NTN1: variants seen among roughly 807,000 people sequenced by gnomAD.
The protein encoded by NTN1 is netrin-1.
Under a neutral mutation model 54.2 loss-of-function variants are expected in NTN1, and 11 were observed. The ratio of observed to expected loss-of-function variants is 0.20; its 90% CI spans 0.13 to 0.34. The LOEUF (loss-of-function observed/expected upper bound fraction) is 0.34, where lower values mean the gene tolerates loss of function less well. NTN1 is among the 10% of genes least tolerant of loss of function. The pLI is 1.00. For missense variants in NTN1, 740 were observed against 893.1 expected, an observed-to-expected ratio of 0.83 and a Z score of 2.18; for synonymous variants, 371 against 382.0, an observed-to-expected ratio of 0.97 and a Z score of 0.33.
intron 2 of NTN1, among the ~76,000 whole-genome samples, chr17:9,115,884 G>A (rs1180574677): frequency 6.6e-6 from 1 of 152,272 alleles, no homozygotes; most frequent in African/African-American, 2.4e-5. Context: ...TGGAGGAAGG[G>A]ATTTCGTGTT....
chr17:9,226,333 G>A (rs1410997266), intron 6 of NTN1, among the ~76,000 whole-genome samples: 5 of 152,100 alleles, frequency 3.3e-5, no homozygotes, highest in Admixed American at 6.5e-5. Flanking sequence ...TGTAGTGGAG[G>A]GCACATGATA....
At chr17:9,103,479 G>T (rs1422223963) in intron 2 of NTN1, among the ~76,000 whole-genome samples, 1 of 152,048 alleles carries the variant, frequency 6.6e-6, no homozygotes. Context: ...AGATCTGATG[G>T]TTTTATAAGG....
chr17:9,220,408 A>G (rs544677556), intron 5 of NTN1, among the ~76,000 whole-genome samples: 10 of 152,312 alleles, frequency 6.6e-5, no homozygotes, highest in African/African-American at 2.2e-4. Context: ...CTCCTTGTTC[A>G]AAGAACAGCG....
In NTN1 at chr17:9,239,964, C is replaced by T. The variant is rs1200817962; in HGVS notation, c.1811C>T (p.Ala604Val). 1 of 1,004,350 alleles carries T rather than the reference C, an allele frequency of 1.0e-6. No individual in the cohort carries two copies. Among genetic ancestry groups the T allele is most frequent in the Admixed American group, 3.6e-5 (1 of 27,952 alleles). 62.2% of individuals were successfully genotyped at this position (1,004,350 alleles called of 1,614,324 possible). ...QREKKGKCKK[A>V] The stretch of plus-strand genomic sequence containing the variant: ...GAGAAGAAGGGCAAGTGCAAGAAGG[C>T]CTAGCGCCGAGGCAGCGGGCGGGCG... Residue 604 changes from alanine (A) to valine (V), a missense_variant, in exon 7 of 7, where the codon GCC (alanine) becomes GTC (valine). Physicochemically the swap from Ala to Val is moderately conservative, Grantham distance 64. Transcript: ENST00000173229. This position sits in a 1 kb window ranked among gnomAD's most constrained non-coding sequence, Gnocchi z 5.2.
At chr17:9,222,580 G>A (rs1159685582) in intron 6 of NTN1, among the ~76,000 whole-genome samples, 1 of 152,204 alleles carries the variant, frequency 6.6e-6, no homozygotes. Context: ...AAGGAAGCTG[G>A]TGAGGAAAGA....
chr17:9,173,385 C>A (rs1410650067), intron 3 of NTN1: 2 of 152,304 alleles, frequency 1.3e-5, no homozygotes, highest in Non-Finnish European at 2.9e-5. Context: ...AGGCTTCCTC[C>A]AAGAGGCCTG....
At chr17:9,040,354 T>A (rs188998815) in intron 2 of NTN1, among the ~76,000 whole-genome samples, 6 of 152,364 alleles carry the variant, frequency 3.9e-5, no homozygotes, top group Admixed American at 2.6e-4. Flanking sequence ...TATGTATTTA[T>A]AATTTTGATT....
At chr17:9,162,781 C>T (rs2286510) in intron 2 of NTN1, 32 bp from the exon 3 acceptor site, 606,173 of 1,578,268 alleles carry the variant, frequency 0.38, 117,729 homozygotes, top group Middle Eastern at 0.4. Flanking sequence ...CGCGCCCCTG[C>T]GGCTGACACC....
chr17:9,003,760 G>T, the NTN1 span, among the ~76,000 whole-genome samples: 1 of 152,230 alleles, frequency 6.6e-6, no homozygotes, highest in African/African-American at 2.4e-5. This position sits in a 1 kb window ranked among gnomAD's most constrained non-coding sequence, Gnocchi z 7.4. Context: ...TGGTCAGCGG[G>T]CTGGATAATG....
chr17:9,197,810 G>A (rs1904678680), intron 5 of NTN1, among the ~76,000 whole-genome samples: 1 of 152,062 alleles, frequency 6.6e-6, no homozygotes. Flanking sequence ...TCCTGGACCA[G>A]CCTTCCTTCT....
intron 3 of NTN1, among the ~76,000 whole-genome samples, chr17:9,167,560 C>G (rs150125087): frequency 6.6e-6 from 1 of 152,186 alleles, no homozygotes; most frequent in East Asian, 1.9e-4. Flanking sequence ...TTGTCTTTCC[C>G]CCTTTCAAGC....
chr17:9,114,768 C>CATAA (rs542911093), intron 2 of NTN1, among the ~76,000 whole-genome samples: 33 of 152,226 alleles, frequency 2.2e-4, no homozygotes, highest in African/African-American at 7.2e-4. Flanking sequence ...AAATAATAAC[C>CATAA]ATAAATAAAT....
intron 6 of NTN1, among the ~76,000 whole-genome samples, chr17:9,222,032 C>G (rs1905374325): frequency 6.6e-6 from 1 of 152,240 alleles, no homozygotes; most frequent in South Asian, 2.1e-4. Flanking sequence ...GGCAAGGCCC[C>G]CGCATACAGC....
At chr17:9,052,754 A>G (rs2091965248) in intron 2 of NTN1, among the ~76,000 whole-genome samples, 1 of 152,218 alleles carries the variant, frequency 6.6e-6, no homozygotes, top group Non-Finnish European at 1.5e-5. Context: ...CTCCAAGACA[A>G]ATAAACATAA....
intron 6 of NTN1, among the ~76,000 whole-genome samples, chr17:9,228,711 C>T (rs1202077491): frequency 1.3e-5 from 2 of 152,144 alleles, no homozygotes; most frequent in Non-Finnish European, 2.9e-5. Context: ...TCTCACAGGA[C>T]GATTTGTCTC....
At chr17:9,039,450 C>A (rs144616346) in intron 2 of NTN1, among the ~76,000 whole-genome samples, 6 of 152,298 alleles carry the variant, frequency 3.9e-5, no homozygotes, top group Admixed American at 1.3e-4. Context: ...TGGTCAAAAT[C>A]ATGAATTGTA....
the NTN1 span, among the ~76,000 whole-genome samples, chr17:9,007,342 T>C: frequency 7.1e-6 from 1 of 141,826 alleles, no homozygotes; most frequent in African/African-American, 2.6e-5. Flanking sequence ...TTTTTCTTTC[T>C]TTCTCTTTCT....
chr17:9,187,063 G>T (rs1385262045), intron 5 of NTN1, among the ~76,000 whole-genome samples: 1 of 152,130 alleles, frequency 6.6e-6, no homozygotes, highest in East Asian at 1.9e-4. Context: ...TAAATGGGAT[G>T]ATCTCAGTAA....
upstream of NTN1, among the ~76,000 whole-genome samples, chr17:9,017,300 C>T (rs181690735): frequency 6.5e-4 from 99 of 152,266 alleles, 1 homozygote; most frequent in East Asian, 0.013. Flanking sequence ...TCTCACCTCC[C>T]GTTCACTCCA....
Sources: allele counts gnomAD v4.1 joint callset (sites outside exome capture counted in the v4.1 genomes callset), GRCh38; gene constraint gnomAD v4.1.1; non-coding constraint Gnocchi (gnomAD v3.1); transcripts MANE v1.5; gene names NCBI Gene and HGNC (gene_info 2026-07-23, HGNC 2026-07-21).